The following ALDH2 variants were observed in gnomAD, a reference collection of about 807,000 sequenced individuals.
ALDH2 encodes the protein aldehyde dehydrogenase, mitochondrial.
Under a neutral mutation model 59.6 loss-of-function variants are expected in ALDH2, and 44 were observed. That is an observed-to-expected ratio of 0.74 (90% CI 0.58 to 0.95). The LOEUF (loss-of-function observed/expected upper bound fraction) is 0.95. Among genes scored for constraint, ALDH2 ranks in the 40% least tolerant of loss-of-function variants. The probability of loss-of-function intolerance (pLI) is 0.00; values close to 1 mark genes in which losing one functional copy is unlikely to be tolerated. For synonymous variants in ALDH2, 291 were observed against 284.0 expected (o/e 1.02, Z -0.25); for missense variants, 570 against 696.3 (o/e 0.82, Z 2.04).
Position 111,789,356 on chromosome 12 carries a change from G to A in ALDH2, c.441-467G>A, listed in dbSNP as rs546531903. Among the ~76,000 whole-genome samples, 5 of 151,810 alleles carry A rather than the reference G, an allele frequency of 3.3e-5. No individual in the cohort carries two copies. The South Asian group carries it at 1.0e-3, about 32-fold the overall frequency. ...AAAAAAAACAAAGAAGGTCAGGCAT[G>A]GTGGCAGGTGCCTGTAATCCCAGCT... On this transcript the variant is annotated intron_variant, in intron 4 of 12. Coordinates refer to ENST00000261733, the MANE Select transcript of ALDH2 (RefSeq NM_000690.4).
At chr12:111,807,780 G>A (rs1307968837) in intron 12 of ALDH2, among the ~76,000 whole-genome samples, 1 of 152,116 alleles carries the variant, frequency 6.6e-6, no homozygotes, top group Non-Finnish European at 1.5e-5. Flanking sequence ...GAATGCACAG[G>A]CCCTTGTTGG....
At chr12:111,783,026 C>T in intron 2 of ALDH2, 132 bp from the exon 3 acceptor site, 5 of 1,158,236 alleles carry the variant, frequency 4.3e-6, no homozygotes, top group Non-Finnish European at 6.0e-6. Context: ...GGGCTAGGAG[C>T]ATTGTTTACG....
At chr12:111,800,671 AG>A (rs543346573) in intron 11 of ALDH2, among the ~76,000 whole-genome samples, 2 of 152,156 alleles carry the variant, frequency 1.3e-5, no homozygotes, top group Non-Finnish European at 2.9e-5. Flanking sequence ...TATATTTTAA[AG>A]TATTGGTAAG....
chr12:111,785,218 T>C, intron 3 of ALDH2, 49 bp from the exon 4 acceptor site: 2 of 1,492,936 alleles, frequency 1.3e-6, no homozygotes, highest in South Asian at 2.3e-5. Context: ...CCCTTTGTTT[T>C]CCTCTCATTC....
At chr12:111,768,842 G>A (rs970339690) in intron 1 of ALDH2, among the ~76,000 whole-genome samples, 5 of 152,170 alleles carry the variant, frequency 3.3e-5, no homozygotes, top group African/African-American at 1.2e-4. Context: ...AAATTAGTCA[G>A]GTGCGGTGGC....
At chr12:111,779,582 T>C (rs1325690093) in intron 1 of ALDH2, among the ~76,000 whole-genome samples, 1 of 152,206 alleles carries the variant, frequency 6.6e-6, no homozygotes, top group African/African-American at 2.4e-5. Context: ...CGGTATTCTT[T>C]ATGGTCCGAG....
intron 2 of ALDH2, among the ~76,000 whole-genome samples, chr12:111,782,737 G>A (rs562359900): frequency 1.3e-5 from 2 of 152,162 alleles, no homozygotes; most frequent in Admixed American, 6.5e-5. Context: ...ACAGAAATTA[G>A]CCAGGTGTGG....
intron 1 of ALDH2, among the ~76,000 whole-genome samples, chr12:111,772,168 A>T (rs532579933): frequency 1.0e-3 from 156 of 152,184 alleles, no homozygotes; most frequent in African/African-American, 3.5e-3. Context: ...AAAAAGAAAA[A>T]ATATAATGGT....
At position 111,814,207 on chromosome 12, in the gene ALDH2, CGTG is replaced by C. The variant is rs1333466322; in HGVS notation, c.*4640_*4642del. 5 of 152,076 alleles carry C rather than the reference CGTG, an allele frequency of 3.3e-5. No individual in the cohort carries two copies. Among genetic ancestry groups the C allele is most frequent in the Non-Finnish European group, 5.9e-5 (4 of 68,120 alleles). 9.4% of individuals were successfully genotyped at this position (152,076 alleles called of 1,614,324 possible). ...CTAAAAATACAAAAAATTAGCCAGG[CGTG>C]GTGGTGGGCGCCTGTAGTCCCAGCT... On this transcript the variant is annotated 3_prime_UTR_variant, in exon 13 of 13. Transcript: ENST00000261733.
intron 1 of ALDH2, among the ~76,000 whole-genome samples, chr12:111,779,572 C>G (rs141641065): frequency 1.6e-4 from 25 of 152,294 alleles, no homozygotes; most frequent in Non-Finnish European, 3.5e-4. Context: ...CTTGGCAGCT[C>G]GGTATTCTTT....
intron 1 of ALDH2, among the ~76,000 whole-genome samples, chr12:111,772,135 C>T (rs1036691780): frequency 6.6e-6 from 1 of 151,874 alleles, no homozygotes; most frequent in East Asian, 1.9e-4. Context: ...AAACTTAATA[C>T]CCCATGAGCA....
intron 12 of ALDH2, among the ~76,000 whole-genome samples, chr12:111,808,897 G>A (rs772321607): frequency 3.1e-4 from 47 of 152,058 alleles, no homozygotes; most frequent in Non-Finnish European, 5.4e-4. Context: ...TGGCGACTCT[G>A]GATATAGAGA....
At chr12:111,787,437 T>A (rs2068318642) in intron 4 of ALDH2, among the ~76,000 whole-genome samples, 1 of 152,200 alleles carries the variant, frequency 6.6e-6, no homozygotes, top group African/African-American at 2.4e-5. Flanking sequence ...ATCTTTTAGT[T>A]GTAATGCCAT....
In ALDH2 at chr12:111,809,815, TA is replaced by T. The variant is rs1462139734; in HGVS notation, c.*246del. The stretch of plus-strand genomic sequence containing the variant: ...TACTGCTAGCTTTCAGGATGATTTT[TA>T]AAAAATAGATTCAAATGTGTTATCC... On this transcript the variant is annotated 3_prime_UTR_variant, in exon 13 of 13. Coordinates refer to ENST00000261733, the MANE Select transcript of ALDH2 (RefSeq NM_000690.4). 4 of 563,260 alleles carry T rather than the reference TA, an allele frequency of 7.1e-6. No individual in the cohort carries two copies. The highest frequency in any genetic ancestry group is 1.3e-5 in the Non-Finnish European group (4 of 317,610). 34.9% of individuals were successfully genotyped at this position (563,260 alleles called of 1,614,324 possible). A position where few individuals can be genotyped will look rare whatever the true frequency, so the allele number is the denominator to read the frequency against.
At chr12:111,804,019 G>A in intron 12 of ALDH2, 46 bp downstream of exon 12, 1 of 1,454,534 alleles carries the variant, frequency 6.9e-7, no homozygotes, top group Non-Finnish European at 9.4e-7. Context: ...TGGGGCTTGA[G>A]GGTCTGCTGG....
intron 3 of ALDH2, among the ~76,000 whole-genome samples, chr12:111,783,511 T>C (rs569237698): frequency 2.0e-5 from 3 of 152,152 alleles, no homozygotes; most frequent in East Asian, 3.9e-4. Flanking sequence ...TTTTGTTTTG[T>C]TTTGTTTTGC....
At chr12:111,783,680 G>C (rs189076339) in intron 3 of ALDH2, among the ~76,000 whole-genome samples, 2 of 152,110 alleles carry the variant, frequency 1.3e-5, no homozygotes, top group East Asian at 3.9e-4. Flanking sequence ...CAGCTAATTT[G>C]TGTATTTTTA....
chr12:111,812,476 T>C lies in ALDH2; in HGVS notation c.*2901T>C, dbSNP rs2068542732. The stretch of plus-strand genomic sequence containing the variant: ...ACTCCTCTTAACTCGGGATTTAGGG[T>C]GATGCCCTACTTATGCCTAACTTTA... On this transcript the variant is annotated 3_prime_UTR_variant, in exon 13 of 13. Coordinates refer to ENST00000261733, the MANE Select transcript of ALDH2 (RefSeq NM_000690.4). 1 of 152,108 alleles carries C rather than the reference T, an allele frequency of 6.6e-6. No homozygotes were observed. Among genetic ancestry groups the C allele is most frequent in the African/African-American group, 2.4e-5 (1 of 41,398 alleles). The allele number at this position is 152,108 out of a possible 1,614,324, so 9.4% of individuals were successfully genotyped here.
chr12:111,799,249 C>G (rs2068429349), intron 10 of ALDH2, among the ~76,000 whole-genome samples: 2 of 151,618 alleles, frequency 1.3e-5, no homozygotes, highest in South Asian at 2.1e-4. Context: ...ACTGCAACCT[C>G]TGCCTCCCGG....
Sources: allele counts gnomAD v4.1 joint callset (sites outside exome capture counted in the v4.1 genomes callset), GRCh38; gene constraint gnomAD v4.1.1; transcripts MANE v1.5; gene names NCBI Gene and HGNC (gene_info 2026-07-23, HGNC 2026-07-21).